The following TRIM42 variants were observed in gnomAD, a reference collection of about 807,000 sequenced individuals.
The protein encoded by TRIM42 is tripartite motif containing 42, also known as tripartite motif-containing protein 42.
Under a neutral mutation model 64.9 loss-of-function variants are expected in TRIM42, and 59 were observed. The observed-to-expected ratio is 0.91, with a 90% CI of 0.74 to 1.13. TRIM42 has a LOEUF of 1.13. TRIM42 is among the 50% of genes most tolerant of loss of function. TRIM42 has a pLI of 0.00. For missense variants in TRIM42, 878 were observed against 929.5 expected (o/e 0.94, Z 0.72); for synonymous variants, 354 against 346.3 (o/e 1.02, Z -0.25).
At chr3:140,680,684 G>C (rs934614946) in intron 1 of TRIM42, 1 of 985,266 alleles carries the variant, frequency 1.0e-6, no homozygotes, top group African/African-American at 1.7e-5. Flanking sequence ...ACCCATGCAG[G>C]AATCTGGGAA....
intron 2 of TRIM42, among the ~76,000 whole-genome samples, chr3:140,685,340 AT>A (rs1186545875): frequency 1.1e-4 from 16 of 152,202 alleles, no homozygotes; most frequent in Admixed American, 1.0e-3. Context: ...GCAAGATGGA[AT>A]TTTAAAAAAC....
chr3:140,701,144 T>C lies in TRIM42; in HGVS notation c.*170T>C, dbSNP rs1229305686. The C allele has an allele frequency of 1.8e-5, 10 of 554,168 alleles. No homozygotes were observed. The highest frequency in any genetic ancestry group is 2.5e-5 in the Non-Finnish European group (8 of 315,394). The allele number at this position is 554,168 out of a possible 1,614,324, so 34.3% of individuals were successfully genotyped here. A position where few individuals can be genotyped will look rare whatever the true frequency, so the allele number is the denominator to read the frequency against. ...TCTTGTAAGAGCTAATAAAAGGAAA[T>C]ACCTGACATGGCTTGCTGTTTGTTC... On this transcript the variant is annotated 3_prime_UTR_variant, in exon 5 of 5. Coordinates refer to ENST00000286349, the MANE Select transcript of TRIM42 (RefSeq NM_152616.5).
rs1489453365 is a variant in TRIM42 at position 140,678,438 on chromosome 3, G to A, written c.209G>A (p.Trp70Ter). ...SPNCHWCCCS[W>*]ANDPNCKCCC... is the part of the protein sequence containing the mutation. ...AACTGCCATTGGTGTTGCTGCTCTT[G>A]GGCCAATGATCCCAACTGTAAGTGC... The change falls in exon 1 of 5, where the codon TGG becomes TAG. Residue 70 changes from tryptophan to a stop codon, truncating the protein, a stop_gained. Transcript: ENST00000286349. LOFTEE classifies it high-confidence loss of function. 6.2e-7 allele frequency: 1 copy of A among 1,614,040 alleles called. No homozygotes were observed. Among genetic ancestry groups the A allele is most frequent in the African/African-American group, 1.3e-5 (1 of 74,896 alleles).
At chr3:140,683,252 C>A in intron 2 of TRIM42, 93 bp downstream of exon 2, 1 of 1,287,342 alleles carries the variant, frequency 7.8e-7, no homozygotes, top group Non-Finnish European at 1.1e-6. Context: ...AGTGCCTTAA[C>A]AGATTCCACC....
At chr3:140,688,582 G>A (rs752636359) in intron 3 of TRIM42, 40 bp downstream of exon 3, 10 of 1,522,264 alleles carry the variant, frequency 6.6e-6, no homozygotes, top group African/African-American at 2.8e-5. Flanking sequence ...GTGGGAGGGT[G>A]TGGGGCACAG....
At chr3:140,689,760 C>A (rs1329439813) in intron 3 of TRIM42, among the ~76,000 whole-genome samples, 2 of 151,122 alleles carry the variant, frequency 1.3e-5, no homozygotes, top group Non-Finnish European at 1.5e-5. Flanking sequence ...ATGCCCATAA[C>A]TGAGCAGCTG....
At chr3:140,679,091 A>T (rs887480612) in intron 1 of TRIM42, among the ~76,000 whole-genome samples, 2 of 149,798 alleles carry the variant, frequency 1.3e-5, no homozygotes, top group Non-Finnish European at 3.0e-5. Flanking sequence ...GGATTAATGT[A>T]TGTGCTTTGT....
rs564770231 is a variant in TRIM42, at chr3:140,698,500, T to TCA, written c.2086-2379_2086-2378dup. ...TTTGTTAAGATTTTAGGTGTTCTTTTCACACACACAAAAAAAGATAACTGT... is the reference window on the plus strand; with the variant it reads ...TTTGTTAAGATTTTAGGTGTTCTTTTCACACACACACAAAAAAAGATAACTGT... On this transcript the variant is annotated intron_variant, in intron 4 of 4. Coordinates refer to ENST00000286349, the MANE Select transcript of TRIM42 (RefSeq NM_152616.5). 4.1e-3 allele frequency among the ~76,000 whole-genome samples: 618 copies of TCA among 152,290 alleles called. 1 individual carries two copies. Among genetic ancestry groups the TCA allele is most frequent in the Non-Finnish European group, 6.6e-3 (451 of 68,016 alleles).
At chr3:140,696,326 T>A (rs1399963374) in intron 4 of TRIM42, among the ~76,000 whole-genome samples, 1 of 152,234 alleles carries the variant, frequency 6.6e-6, no homozygotes, top group Non-Finnish European at 1.5e-5. Context: ...AATGCTGTGT[T>A]TTTATGATCC....
chr3:140,700,161 T>C (rs1306258828), intron 4 of TRIM42, among the ~76,000 whole-genome samples: 1 of 152,150 alleles, frequency 6.6e-6, no homozygotes, highest in East Asian at 1.9e-4. Context: ...AAACCCAGTA[T>C]CTTCAAGGTA....
intron 4 of TRIM42, among the ~76,000 whole-genome samples, chr3:140,699,964 T>C (rs1988956178): frequency 6.6e-6 from 1 of 152,190 alleles, no homozygotes; most frequent in Non-Finnish European, 1.5e-5. Context: ...CATAGAGACT[T>C]TGTGCCCTGT....
At chr3:140,698,749 C>G (rs1458810134) in intron 4 of TRIM42, among the ~76,000 whole-genome samples, 1 of 152,108 alleles carries the variant, frequency 6.6e-6, no homozygotes, top group East Asian at 1.9e-4. Context: ...CAGAAACTCT[C>G]CTTACTATTC....
At chr3:140,693,888 T>G (rs1988784653) in intron 4 of TRIM42, among the ~76,000 whole-genome samples, 1 of 152,202 alleles carries the variant, frequency 6.6e-6, no homozygotes, top group Non-Finnish European at 1.5e-5. Flanking sequence ...TTATGTCAGA[T>G]GGGGTATATT....
At chr3:140,695,256 A>T (rs1988818778) in intron 4 of TRIM42, among the ~76,000 whole-genome samples, 1 of 152,018 alleles carries the variant, frequency 6.6e-6, no homozygotes, top group Non-Finnish European at 1.5e-5. Flanking sequence ...TCAAAAAAAT[A>T]AAAAAAGACC....
rs1042269822 is a variant in TRIM42, at chr3:140,684,177, C to G, written c.1039+1018C>G. On this transcript the variant is annotated intron_variant, in intron 2 of 4. Coordinates refer to ENST00000286349, the MANE Select transcript of TRIM42 (RefSeq NM_152616.5). The stretch of plus-strand genomic sequence containing the variant: ...TACAGTACAGGCATTAAAATGTCCT[C>G]CATGGATAAGACAACTGTGGTTCAA... Among the ~76,000 whole-genome samples, 36 of 152,266 alleles carry G rather than the reference C, an allele frequency of 2.4e-4. No individual in the cohort carries two copies. In the Middle Eastern group the frequency reaches 0.017, roughly 72 times the overall value.
intron 1 of TRIM42, among the ~76,000 whole-genome samples, chr3:140,679,779 T>C (rs894380696): frequency 1.6e-4 from 24 of 152,114 alleles, no homozygotes; most frequent in African/African-American, 5.8e-4. Flanking sequence ...AGGGATAAAA[T>C]TGGTGCTTTA....
In TRIM42 at chr3:140,699,448, G is replaced by A. The variant is rs373210999; in HGVS notation, c.2086-1440G>A. ...ATGAGCCTGGGGCATTTGGGGCAGGGAAGAGATGTCAACTATCATTTCAAT... is the reference window on the plus strand; with the variant it reads ...ATGAGCCTGGGGCATTTGGGGCAGGAAAGAGATGTCAACTATCATTTCAAT... On this transcript the variant is annotated intron_variant, in intron 4 of 4. Transcript: ENST00000286349. 1.0e-3 allele frequency among the ~76,000 whole-genome samples: 152 copies of A among 152,296 alleles called. No individual in the cohort carries two copies. In the South Asian group the frequency reaches 0.03, roughly 30 times the overall value.
chr3:140,695,337 G>A (rs901998207), intron 4 of TRIM42, among the ~76,000 whole-genome samples: 6 of 152,136 alleles, frequency 3.9e-5, no homozygotes, highest in African/African-American at 1.4e-4. Context: ...CTGGGATTGG[G>A]ACATGGACAT....
At position 140,691,048 on chromosome 3, in the gene TRIM42, C is replaced by T. The variant is rs116168163; in HGVS notation, c.1941C>T (p.Asn647=). 3.7e-6 allele frequency: 6 copies of T among 1,613,988 alleles called. No homozygotes were observed. Among genetic ancestry groups the T allele is most frequent in the East Asian group, 2.2e-5 (1 of 44,892 alleles). ...AAGTCATTACTTCTCCTCCTAACAA[C>T]GTACAAATGGAGCTCTGTGGACAAA... ...FYEVITSPPN[N]VQMELCGQIR... The change falls in exon 4 of 5, where the codon AAC becomes AAT. Residue 647 remains asparagine (N), a synonymous_variant. Transcript: ENST00000286349.
Sources: gnomAD v4.1 joint callset for allele counts (sites outside exome capture counted in the v4.1 genomes callset) on GRCh38, gnomAD v4.1.1 for gene constraint, MANE v1.5 for transcripts, NCBI Gene and HGNC (gene_info 2026-07-23, HGNC 2026-07-21) for gene names.